RUSC2: variants seen among roughly 807,000 people sequenced by gnomAD.
RUSC2 encodes the protein AP-4 complex accessory subunit RUSC2.
In RUSC2, 34 loss-of-function variants were observed where a neutral mutation model predicts 122.2. The ratio of observed to expected loss-of-function variants is 0.28; its 90% confidence interval spans 0.21 to 0.37. The LOEUF (loss-of-function observed/expected upper bound fraction) is 0.37, where lower values mean the gene tolerates loss of function less well. Among genes scored for constraint, RUSC2 ranks in the 10% least tolerant of loss-of-function variants. The pLI is 1.00. For missense variants in RUSC2, 1,747 were observed against 1,952.4 expected (o/e 0.89, Z 1.98); for synonymous variants, 784 against 790.0 (o/e 0.99, Z 0.13).
chr9:35,553,045 C>T (rs938579839), intron 2 of RUSC2, among the ~76,000 whole-genome samples: 2 of 152,144 alleles, frequency 1.3e-5, no homozygotes, highest in African/African-American at 4.8e-5. Context: ...GTCAGCTCAG[C>T]CTTGAAAACT....
In RUSC2 at chr9:35,561,832, C is replaced by G. The variant is rs2131711916; in HGVS notation, c.*450C>G. On this transcript the variant is annotated 3_prime_UTR_variant, in exon 12 of 12. Transcript: ENST00000361226. ...GAAGAGGGAGGAGGAGCCCAGGCGT[C>G]TGTTTATGTATTTATTTATTTATTT... The G allele has an allele frequency of 1.7e-6, 1 of 604,042 alleles. No individual in the cohort carries two copies. The highest frequency in any genetic ancestry group is 2.1e-5 in the South Asian group (1 of 46,838). 37.4% of individuals were successfully genotyped at this position (604,042 alleles called of 1,614,324 possible). A position where few individuals can be genotyped will look rare whatever the true frequency, so the allele number is the denominator to read the frequency against.
chr9:35,543,380 C>T (rs940404960), intron 1 of RUSC2, among the ~76,000 whole-genome samples: 1 of 152,124 alleles, frequency 6.6e-6, no homozygotes, highest in South Asian at 2.1e-4. Flanking sequence ...CATGATCGCA[C>T]CACTGCACTC....
intron 1 of RUSC2, among the ~76,000 whole-genome samples, chr9:35,494,977 TA>T (rs1564239778): frequency 9.2e-6 from 1 of 108,436 alleles, no homozygotes; most frequent in African/African-American, 3.5e-5. Flanking sequence ...TTATATATAT[TA>T]TATAATATAT....
intron 1 of RUSC2, among the ~76,000 whole-genome samples, chr9:35,519,040 G>A (rs910422962): frequency 4.6e-5 from 7 of 152,204 alleles, no homozygotes; most frequent in Non-Finnish European, 1.0e-4. Flanking sequence ...TGGTCCCAGA[G>A]GTTTGGCACT....
chr9:35,548,046 G>C lies in RUSC2; in HGVS notation c.1525G>C (p.Val509Leu), dbSNP rs757019039. ...TCGCAGCCTGCAGCGCAGCCCTCCT[G>C]TCCGCCTGGGCTCGCTGGAACGTAT... The part of the protein sequence containing the change: ...YDRSLQRSPP[V>L]RLGSLERMLS... The change falls in exon 2 of 12, where the codon GTC (valine) becomes CTC (leucine). Residue 509 changes from valine (V) to leucine (L), a missense_variant. Val to Leu is a conservative substitution (Grantham distance 32, BLOSUM62 1). Transcript: ENST00000361226. This position sits in a 1 kb window ranked among gnomAD's most constrained non-coding sequence, Gnocchi z 4.5. 21 of 1,613,496 alleles carry C rather than the reference G, an allele frequency of 1.3e-5. No individual in the cohort carries two copies. In the East Asian group the frequency reaches 4.5e-4, roughly 34 times the overall value.
In RUSC2 at chr9:35,555,060, G is replaced by C. The variant is rs1821979632; in HGVS notation, c.2015G>C (p.Gly672Ala). 1 of 1,610,908 alleles carries C rather than the reference G, an allele frequency of 6.2e-7. No individual in the cohort carries two copies. Among genetic ancestry groups the C allele is most frequent in the Non-Finnish European group, 8.5e-7 (1 of 1,179,924 alleles). ...TTTCTTCTCCATCCCTTTGCTACAG[G>C]GGGTGGCACCGAGAGCCGACCAGTC... is the stretch of plus-strand genomic sequence containing the variant. Reference protein sequence around the residue: ...TQRDARARADGGGTESRPVLR... With the variant: ...TQRDARARADAGGTESRPVLR... The change falls in exon 3 of 12, where the codon GGG becomes GCG. Residue 672 changes from glycine (G) to alanine (A), a missense_variant and splice_region_variant. Physicochemically the swap from Gly to Ala is moderately conservative, Grantham distance 60. Transcript: ENST00000361226. The surrounding 1 kb of genome is among the most constrained non-coding windows in gnomAD (Gnocchi z 4.6).
rs376571977 is a variant in RUSC2 at position 35,555,099 on chromosome 9, A to G, written c.2054A>G (p.Lys685Arg). The change falls in exon 3 of 12, where the codon AAG (lysine) becomes AGG (arginine). Residue 685 changes from lysine to arginine, a missense_variant. By Grantham distance (26) the Lys-to-Arg change is conservative. Coordinates refer to ENST00000361226, the MANE Select transcript of RUSC2 (RefSeq NM_014806.5). The surrounding 1 kb of genome is among the most constrained non-coding windows in gnomAD (Gnocchi z 4.6). ...AGCCGACCAGTCCTTCGCTACAGCAAGGAACAGAGGCCAACCACACTGCCC... is the reference window on the plus strand; with the variant it reads ...AGCCGACCAGTCCTTCGCTACAGCAGGGAACAGAGGCCAACCACACTGCCC... ...TESRPVLRYS[K>R]EQRPTTLPIQ... 3.1e-6 allele frequency: 5 copies of G among 1,613,190 alleles called. No individual in the cohort carries two copies. In the African/African-American group the frequency reaches 5.3e-5, roughly 17 times the overall value.
intron 1 of RUSC2, among the ~76,000 whole-genome samples, chr9:35,495,547 T>C (rs1197603681): frequency 6.6e-6 from 1 of 152,042 alleles, no homozygotes. Flanking sequence ...TTTATGCTGA[T>C]AAAACACTGT....
Position 35,553,324 on chromosome 9 carries a change from G to A in RUSC2, c.2015-1736G>A, listed in dbSNP as rs373085559. Among the ~76,000 whole-genome samples the A allele has an allele frequency of 1.5e-3, 234 of 152,306 alleles. 1 individual carries two copies. The South Asian group carries it at 0.021, about 14-fold the overall frequency. ...AGACTGGCTTGAATCAAGAGTGACC[G>A]TGGAGATTCCCTCATTTAACAGATG... On this transcript the variant is annotated intron_variant, in intron 2 of 11. Transcript: ENST00000361226.
chr9:35,511,918 C>T (rs1239958269), intron 1 of RUSC2, among the ~76,000 whole-genome samples: 2 of 152,090 alleles, frequency 1.3e-5, no homozygotes, highest in East Asian at 1.9e-4. Context: ...CGGTGGCTCA[C>T]GCCTGTAATC....
intron 1 of RUSC2, among the ~76,000 whole-genome samples, chr9:35,514,422 T>G (rs1339372064): frequency 6.6e-6 from 1 of 152,074 alleles, no homozygotes. Flanking sequence ...GCATATACCT[T>G]TAGGGAATTT....
Position 35,547,880 on chromosome 9 carries a change from C to G in RUSC2, c.1359C>G (p.Val453=). 6.2e-7 allele frequency: 1 copy of G among 1,614,220 alleles called. No homozygotes were observed. The highest frequency in any genetic ancestry group is 8.5e-7 in the Non-Finnish European group (1 of 1,180,050). Residue 453 remains valine (V), a synonymous_variant, in exon 2 of 12, where the codon GTC becomes GTG. Coordinates refer to ENST00000361226, the MANE Select transcript of RUSC2 (RefSeq NM_014806.5). The surrounding 1 kb of genome is among the most constrained non-coding windows in gnomAD (Gnocchi z 4.6). The stretch of plus-strand genomic sequence containing the variant: ...ATTACCTATTCCAGAAGCCAGAAGT[C>G]CAGCCAGAGGAACAAGAAGCAGTGA... ...SEYYLFQKPE[V]QPEEQEAVSS...
intron 1 of RUSC2, among the ~76,000 whole-genome samples, chr9:35,532,525 A>AC (rs1476036772): frequency 1.3e-5 from 2 of 152,230 alleles, no homozygotes; most frequent in Non-Finnish European, 2.9e-5. Flanking sequence ...TGGGCAGATC[A>AC]CTTGAGCTCA....
At chr9:35,523,346 G>C (rs1182012289) in intron 1 of RUSC2, among the ~76,000 whole-genome samples, 1 of 152,198 alleles carries the variant, frequency 6.6e-6, no homozygotes, top group African/African-American at 2.4e-5. Context: ...TAATTGCTTT[G>C]TTTTAACAAA....
chr9:35,545,840 A>G (rs1049636350), intron 1 of RUSC2, among the ~76,000 whole-genome samples: 1 of 152,228 alleles, frequency 6.6e-6, no homozygotes, highest in Non-Finnish European at 1.5e-5. Context: ...GCCCACGGTC[A>G]TCAGAAAGGG....
intron 1 of RUSC2, among the ~76,000 whole-genome samples, chr9:35,499,972 T>C (rs1478695393): frequency 6.6e-6 from 1 of 152,212 alleles, no homozygotes; most frequent in African/African-American, 2.4e-5. Context: ...TTTATTTCTG[T>C]TTAAAGATAC....
chr9:35,537,682 A>C (rs568603296), intron 1 of RUSC2, among the ~76,000 whole-genome samples: 2 of 152,352 alleles, frequency 1.3e-5, no homozygotes, highest in East Asian at 3.9e-4. Flanking sequence ...CTGGATCCTG[A>C]GGGATAGCTG....
Position 35,557,932 on chromosome 9 carries a change from A to T in RUSC2, c.3002A>T (p.Asn1001Ile). Residue 1001 changes from asparagine to isoleucine, a missense_variant, in exon 6 of 12, where the codon AAC becomes ATC. Transcript: ENST00000361226. This position sits in a 1 kb window ranked among gnomAD's most constrained non-coding sequence, Gnocchi z 4.6. ...LQKKGLVKAV[N>I]IAVDLIVAHF... ...CCTGCAGGGCTGGTAAAAGCTGTTA[A>T]CATCGCTGTGGACCTCATTGTGGCT... The T allele has an allele frequency of 6.2e-7, 1 of 1,614,174 alleles. No individual in the cohort carries two copies. Among genetic ancestry groups the T allele is most frequent in the Non-Finnish European group, 8.5e-7 (1 of 1,180,002 alleles).
intron 1 of RUSC2, among the ~76,000 whole-genome samples, chr9:35,506,074 G>A (rs1008435659): frequency 1.3e-5 from 2 of 152,186 alleles, no homozygotes; most frequent in African/African-American, 4.8e-5. Context: ...ATATGGTCTT[G>A]TATATAGAAA....
Sources: gnomAD v4.1 joint callset for allele counts (sites outside exome capture counted in the v4.1 genomes callset) on GRCh38, gnomAD v4.1.1 for gene constraint, Gnocchi (gnomAD v3.1) non-coding constraint, MANE v1.5 for transcripts, NCBI Gene and HGNC (gene_info 2026-07-23, HGNC 2026-07-21) for gene names.